TTC28: variants seen among roughly 807,000 people sequenced by gnomAD.
The protein encoded by TTC28 is tetratricopeptide repeat domain 28.
TTC28 carries 61 observed loss-of-function variants against 198.0 expected under a neutral mutation model. The ratio of observed to expected loss-of-function variants is 0.31; its 90% CI spans 0.25 to 0.38. The LOEUF is 0.38. Among genes scored for constraint, TTC28 ranks in the 10% least tolerant of loss-of-function variants. The pLI, the probability that TTC28 is intolerant of heterozygous loss-of-function variation, is 1.00. For missense variants in TTC28, 2,678 were observed against 3,164.0 expected, an observed-to-expected ratio of 0.85 and a Z score of 3.69; for synonymous variants, 1,171 against 1,297.8, an observed-to-expected ratio of 0.90 and a Z score of 2.10.
intron 6 of TTC28, among the ~76,000 whole-genome samples, chr22:28,134,066 C>T (rs527383331): frequency 4.4e-4 from 67 of 152,344 alleles, no homozygotes; most frequent in Non-Finnish European, 5.3e-4. Flanking sequence ...ATTCACTGCT[C>T]TGCAGCCTCC....
chr22:28,486,590 A>C (rs1320477478), intron 2 of TTC28, among the ~76,000 whole-genome samples: 1 of 152,212 alleles, frequency 6.6e-6, no homozygotes, highest in African/African-American at 2.4e-5. Context: ...ACCAAGTGCC[A>C]AATGAAAATG....
intron 5 of TTC28, among the ~76,000 whole-genome samples, chr22:28,193,820 T>A (rs1344513353): frequency 6.6e-6 from 1 of 152,030 alleles, no homozygotes; most frequent in Non-Finnish European, 1.5e-5. Flanking sequence ...AGACTTAGAC[T>A]CCCACGCAAG....
At chr22:28,288,267 T>C (rs16986251) in intron 5 of TTC28, among the ~76,000 whole-genome samples, 3,299 of 152,322 alleles carry the variant, frequency 0.022, 34 homozygotes, top group Non-Finnish European at 0.027. Flanking sequence ...CATATACCTT[T>C]TTCTTTTTAC....
chr22:28,341,815 A>T (rs899023411), intron 2 of TTC28, among the ~76,000 whole-genome samples: 115 of 152,070 alleles, frequency 7.6e-4, no homozygotes, highest in Non-Finnish European at 1.5e-3. Context: ...TAAAATAAAA[A>T]AATAAAAATA....
chr22:28,131,892 A>G (rs1943066987), intron 6 of TTC28, among the ~76,000 whole-genome samples: 1 of 152,170 alleles, frequency 6.6e-6, no homozygotes, highest in Non-Finnish European at 1.5e-5. Context: ...AATTGTTTTA[A>G]TGATTATTTT....
At chr22:28,163,798 C>T (rs1276339656) in intron 5 of TTC28, among the ~76,000 whole-genome samples, 199 bp from the exon 6 acceptor site, 3 of 152,146 alleles carry the variant, frequency 2.0e-5, no homozygotes, top group African/African-American at 4.8e-5. Context: ...CTGGGGAGTG[C>T]CGGACAGTGG....
intron 5 of TTC28, among the ~76,000 whole-genome samples, chr22:28,227,088 C>G (rs867101787): frequency 1.3e-5 from 2 of 152,180 alleles, no homozygotes; most frequent in African/African-American, 4.8e-5. Flanking sequence ...CCATGCTCGG[C>G]TAATTTTTAT....
intron 5 of TTC28, among the ~76,000 whole-genome samples, chr22:28,251,448 TG>T (rs1930500456): frequency 6.6e-6 from 1 of 152,240 alleles, no homozygotes; most frequent in Non-Finnish European, 1.5e-5. Flanking sequence ...ATTTATCATC[TG>T]GCCCTTTACA....
chr22:28,290,071 T>C (rs1054719927), intron 5 of TTC28, among the ~76,000 whole-genome samples: 12 of 151,966 alleles, frequency 7.9e-5, no homozygotes, highest in Admixed American at 2.6e-4. Flanking sequence ...TTTTTAAAGG[T>C]AGGCAGACAA....
intron 5 of TTC28, among the ~76,000 whole-genome samples, chr22:28,192,260 A>C (rs1301407972): frequency 6.6e-6 from 1 of 152,166 alleles, no homozygotes; most frequent in Non-Finnish European, 1.5e-5. Context: ...AACAAACGGA[A>C]AGGACATCCA....
intron 2 of TTC28, among the ~76,000 whole-genome samples, chr22:28,567,154 G>T (rs1354768250): frequency 1.3e-5 from 2 of 150,290 alleles, no homozygotes; most frequent in Non-Finnish European, 3.0e-5. Context: ...GGCAGAGATT[G>T]CAGCGAGCCA....
chr22:28,466,089 T>C (rs1168378086), intron 2 of TTC28, among the ~76,000 whole-genome samples: 1 of 152,244 alleles, frequency 6.6e-6, no homozygotes, highest in East Asian at 1.9e-4. Context: ...ACAGAGTTTA[T>C]TGCTAAGGAA....
chr22:28,483,758 C>T (rs895332697), intron 2 of TTC28, among the ~76,000 whole-genome samples: 1 of 152,160 alleles, frequency 6.6e-6, no homozygotes, highest in African/African-American at 2.4e-5. Context: ...CCCAAAAGAA[C>T]GTAACCAGCA....
At chr22:28,011,775 A>T (rs78320689) in intron 14 of TTC28, among the ~76,000 whole-genome samples, 14,705 of 152,064 alleles carry the variant, frequency 0.097, 1,005 homozygotes, top group East Asian at 0.32. Context: ...AAGGTTTCAA[A>T]GAGGAGGTGA....
At chr22:28,418,422 A>G (rs2047197633) in intron 2 of TTC28, among the ~76,000 whole-genome samples, 1 of 152,228 alleles carries the variant, frequency 6.6e-6, no homozygotes, top group African/African-American at 2.4e-5. Context: ...TTGAAGAAGC[A>G]AAAATACATG....
At chr22:28,326,065 A>C (rs921563562) in intron 2 of TTC28, among the ~76,000 whole-genome samples, 2 of 152,132 alleles carry the variant, frequency 1.3e-5, no homozygotes, top group African/African-American at 4.8e-5. Context: ...TAATTTCCCC[A>C]AACTAGAAAC....
chr22:28,535,509 T>TA (rs548177260), intron 2 of TTC28, among the ~76,000 whole-genome samples: 94 of 152,344 alleles, frequency 6.2e-4, no homozygotes, highest in Non-Finnish European at 7.6e-4. Flanking sequence ...TATAGATAGA[T>TA]AAAGTTTTCT....
At chr22:28,454,814 A>G (rs1166423794) in intron 2 of TTC28, among the ~76,000 whole-genome samples, 7 of 152,228 alleles carry the variant, frequency 4.6e-5, no homozygotes. Flanking sequence ...AAAACATGAA[A>G]ATGAAAAAAG....
chr22:27,989,360 T>G (rs1320648180), intron 21 of TTC28, among the ~76,000 whole-genome samples: 1 of 152,202 alleles, frequency 6.6e-6, no homozygotes, highest in Non-Finnish European at 1.5e-5. Flanking sequence ...AATTTTAGTT[T>G]TCTTTAGCTC....
Sources: gnomAD v4.1 joint callset for allele counts (sites outside exome capture counted in the v4.1 genomes callset) on GRCh38, gnomAD v4.1.1 for gene constraint, MANE v1.5 for transcripts, NCBI Gene and HGNC (gene_info 2026-07-23, HGNC 2026-07-21) for gene names.